The following FAT3 variants were observed in gnomAD, a reference collection of about 807,000 sequenced individuals.
FAT3 encodes the protein protocadherin Fat 3.
In FAT3, 95 loss-of-function variants were observed where a neutral mutation model predicts 310.2. That is an observed-to-expected ratio of 0.31 (90% CI 0.26 to 0.36). The LOEUF is 0.36. Among genes scored for constraint, FAT3 ranks in the 10% least tolerant of loss-of-function variants. FAT3 has a pLI of 1.00. For missense variants in FAT3, 5,408 were observed against 5,715.6 expected, an observed-to-expected ratio of 0.95 and a Z score of 1.74; for synonymous variants, 2,314 against 2,192.9, an observed-to-expected ratio of 1.06 and a Z score of -1.54.
chr11:92,712,862 A>C (rs894360784), intron 4 of FAT3, among the ~76,000 whole-genome samples: 3 of 152,232 alleles, frequency 2.0e-5, no homozygotes, highest in Non-Finnish European at 4.4e-5. Context: ...GTTTAACTTA[A>C]TTATGTTTTC....
At position 92,524,635 on chromosome 11, in the gene FAT3, G is replaced by A; in HGVS notation, c.3294G>A (p.Gly1098=). The A allele has an allele frequency of 6.2e-7, 1 of 1,608,298 alleles. No individual in the cohort carries two copies. Among genetic ancestry groups the A allele is most frequent in the Non-Finnish European group, 8.5e-7 (1 of 1,177,090 alleles). ...TAACACTTCTCTTTTTTGTCTCAGGGGTCATCACTGCCGCAGACATTCTTG... is the reference window on the plus strand; with the variant it reads ...TAACACTTCTCTTTTTTGTCTCAGGAGTCATCACTGCCGCAGACATTCTTG... ...LGRFSIDDES[G]VITAADILDR... Residue 1098 remains glycine, a splice_region_variant and synonymous_variant, in exon 3 of 28, where the codon GGG becomes GGA. Transcript: ENST00000525166.
intron 3 of FAT3, among the ~76,000 whole-genome samples, chr11:92,549,509 T>C (rs922442733): frequency 2.1e-4 from 32 of 152,198 alleles, no homozygotes; most frequent in Non-Finnish European, 2.9e-5. Context: ...GATTATGCAG[T>C]GAGACTCAGT....
intron 12 of FAT3, among the ~76,000 whole-genome samples, chr11:92,806,931 T>C (rs1054543717): frequency 5.3e-5 from 8 of 152,088 alleles, no homozygotes; most frequent in African/African-American, 1.9e-4. Flanking sequence ...CTGGAAAATG[T>C]GGGGAGGTGA....
rs549114099 is a variant in FAT3, at chr11:92,838,392, G to A, written c.10368+586G>A. 2.0e-5 allele frequency among the ~76,000 whole-genome samples: 3 copies of A among 152,280 alleles called. No individual in the cohort carries two copies. In the South Asian group the frequency reaches 6.2e-4, roughly 32 times the overall value. On this transcript the variant is annotated intron_variant, in intron 17 of 27. Transcript: ENST00000525166. ...ACCTGCTCTTTAAAATCAGACTGCA[G>A]GATAGAGTAACTTACTGCTGGTATT...
At chr11:92,706,200 A>G (rs2135936966) in intron 4 of FAT3, among the ~76,000 whole-genome samples, 1 of 152,122 alleles carries the variant, frequency 6.6e-6, no homozygotes, top group South Asian at 2.1e-4. Flanking sequence ...CTTAAGAATA[A>G]TCCTTTCTGA....
intron 1 of FAT3, among the ~76,000 whole-genome samples, chr11:92,257,092 G>A (rs982014952): frequency 6.6e-6 from 1 of 152,092 alleles, no homozygotes; most frequent in Admixed American, 6.6e-5. Flanking sequence ...ATAAACTCTT[G>A]TCCCTACCTC....
chr11:92,693,483 T>G (rs1674087), intron 3 of FAT3, among the ~76,000 whole-genome samples: 77,099 of 151,944 alleles, frequency 0.51, 19,932 homozygotes, highest in African/African-American at 0.58. Context: ...TCTGTATTTT[T>G]TCTTGTTCTC....
rs749612005 is a variant in FAT3, at chr11:92,867,046, G to A, written c.11964G>A (p.Ser3988=). 6.3e-7 allele frequency: 1 copy of A among 1,588,938 alleles called. No individual in the cohort carries two copies. The highest frequency in any genetic ancestry group is 8.6e-7 in the Non-Finnish European group (1 of 1,167,744). ...GCGGCTTCCAGGGCTGCCTGGACTC[G>A]GTGATACTGAATAACAATGAGCTGC... ...VLSGFQGCLD[S]VILNNNELPL... Residue 3988 remains serine (S), a synonymous_variant, in exon 22 of 28, where the codon TCG becomes TCA. Coordinates refer to ENST00000525166, the MANE Select transcript of FAT3 (RefSeq NM_001367949.2).
intron 2 of FAT3, among the ~76,000 whole-genome samples, chr11:92,478,648 G>A (rs538153165): frequency 4.7e-4 from 71 of 151,502 alleles, no homozygotes; most frequent in Non-Finnish European, 7.7e-4. Flanking sequence ...ACAGAGTCTC[G>A]CTCTGTCCCC....
At chr11:92,323,183 T>A (rs930773839) in intron 1 of FAT3, among the ~76,000 whole-genome samples, 1 of 152,088 alleles carries the variant, frequency 6.6e-6, no homozygotes, top group African/African-American at 2.4e-5. Context: ...ACCAGGTACA[T>A]TGTTAATGAG....
At chr11:92,737,358 A>C (rs1945382049) in intron 4 of FAT3, among the ~76,000 whole-genome samples, 1 of 152,114 alleles carries the variant, frequency 6.6e-6, no homozygotes, top group Admixed American at 6.6e-5. Context: ...AATCTAAGGA[A>C]TAGCAAAGAG....
At chr11:92,840,961 G>A (rs923716741) in intron 18 of FAT3, among the ~76,000 whole-genome samples, 8 of 152,206 alleles carry the variant, frequency 5.3e-5, no homozygotes, top group South Asian at 2.1e-4. Context: ...AGGAAGGGAA[G>A]CATCATTGTT....
chr11:92,774,092 T>C lies in FAT3; in HGVS notation c.4247T>C (p.Val1416Ala), dbSNP rs775867942. The C allele has an allele frequency of 6.2e-7, 1 of 1,613,808 alleles. No individual in the cohort carries two copies. Among genetic ancestry groups the C allele is most frequent in the Non-Finnish European group, 8.5e-7 (1 of 1,179,738 alleles). Residue 1416 changes from valine (V) to alanine (A), a missense_variant, in exon 7 of 28, where the codon GTC becomes GCC. By Grantham distance (64) the Val-to-Ala change is moderately conservative. Transcript: ENST00000525166. ...FDAEKGVGTI[V>A]IAKPLDAEQR... is the part of the protein sequence containing the mutation. Reference sequence around the variant, plus strand: ...GCAGAGAAGGGTGTTGGGACAATTGTCATCGCAAAACCTTTGGATGCAGAG... The same window carrying C: ...GCAGAGAAGGGTGTTGGGACAATTGCCATCGCAAAACCTTTGGATGCAGAG...
chr11:92,422,717 G>T (rs1950556819), intron 2 of FAT3, among the ~76,000 whole-genome samples: 1 of 152,132 alleles, frequency 6.6e-6, no homozygotes, highest in African/African-American at 2.4e-5. Context: ...AAGGCTGAAG[G>T]TGGGATGTAG....
chr11:92,801,301 G>C lies in FAT3; in HGVS notation c.8288G>C (p.Gly2763Ala). The C allele has an allele frequency of 6.2e-7, 1 of 1,613,826 alleles. No individual in the cohort carries two copies. Among genetic ancestry groups the C allele is most frequent in the East Asian group, 2.2e-5 (1 of 44,866 alleles). ...ATATTCGTCATAGAACAGGAAACAG[G>C]CACTATTAAGCTTGACAAACGCCTT... is the stretch of plus-strand genomic sequence containing the variant. ...GGIFVIEQET[G>A]TIKLDKRLDR... is the part of the protein sequence containing the mutation. Residue 2763 changes from glycine to alanine, a missense_variant, in exon 10 of 28, where the codon GGC becomes GCC. By Grantham distance (60) the Gly-to-Ala change is moderately conservative. Coordinates refer to ENST00000525166, the MANE Select transcript of FAT3 (RefSeq NM_001367949.2).
intron 3 of FAT3, among the ~76,000 whole-genome samples, chr11:92,640,949 G>A (rs1233805845): frequency 1.3e-5 from 2 of 152,156 alleles, no homozygotes; most frequent in South Asian, 2.1e-4. Context: ...GCTCACACCT[G>A]CAATCCCAGC....
intron 1 of FAT3, among the ~76,000 whole-genome samples, chr11:92,239,177 C>T (rs1339678087): frequency 6.6e-6 from 1 of 152,084 alleles, no homozygotes; most frequent in Non-Finnish European, 1.5e-5. Context: ...AGGATCCTAA[C>T]TCTACAACCT....
chr11:92,335,023 A>G (rs1233109126), intron 1 of FAT3, among the ~76,000 whole-genome samples: 1 of 152,194 alleles, frequency 6.6e-6, no homozygotes, highest in Non-Finnish European at 1.5e-5. Flanking sequence ...TGCTTACTAC[A>G]TTAAAAGTCT....
intron 1 of FAT3, among the ~76,000 whole-genome samples, chr11:92,289,658 G>A (rs898653850): frequency 3.3e-5 from 5 of 151,864 alleles, no homozygotes; most frequent in African/African-American, 1.2e-4. Flanking sequence ...TTACTACCTT[G>A]GTCCAAGTCA....
Sources: gnomAD v4.1 joint callset for allele counts (sites outside exome capture counted in the v4.1 genomes callset) on GRCh38, gnomAD v4.1.1 for gene constraint, MANE v1.5 for transcripts, NCBI Gene and HGNC (gene_info 2026-07-23, HGNC 2026-07-21) for gene names.